The following MLIP variants were observed in gnomAD, a reference collection of about 807,000 sequenced individuals.
MLIP encodes muscular LMNA-interacting protein.
MLIP carries 79 observed loss-of-function variants against 84.8 expected under a neutral mutation model. The ratio of observed to expected loss-of-function variants is 0.93; its 90% CI spans 0.78 to 1.12. MLIP has a LOEUF of 1.12. Among genes scored for constraint, MLIP ranks in the 50% most tolerant of loss-of-function variants. The pLI is 0.00. For synonymous variants in MLIP, 504 were observed against 463.0 expected, an observed-to-expected ratio of 1.09 and a Z score of -1.14; for missense variants, 1,257 against 1,160.6, an observed-to-expected ratio of 1.08 and a Z score of -1.21.
chr6:54,071,091 G>A (rs1249154245), intron 1 of MLIP, among the ~76,000 whole-genome samples: 2 of 152,104 alleles, frequency 1.3e-5, no homozygotes, highest in African/African-American at 2.4e-5. Context: ...GTGACTTAAT[G>A]TATTGATTCT....
chr6:54,033,829 T>C (rs9474708), intron 1 of MLIP, among the ~76,000 whole-genome samples: 4,238 of 152,242 alleles, frequency 0.028, 186 homozygotes, highest in African/African-American at 0.094. Context: ...TTATTCTTCA[T>C]TCTTGAAAAA....
rs757250001 is a variant in MLIP at position 54,160,418 on chromosome 6, G to C, written c.2341G>C (p.Glu781Gln). The C allele has an allele frequency of 3.7e-6, 6 of 1,612,366 alleles. No homozygotes were observed. The South Asian group carries it at 6.6e-5, about 18-fold the overall frequency. ...TESVSKDNTL[E>Q]PPVELYFPAQ... ...AAGTGTCTCCAAGGACAACACATTA[G>C]AACCACCAGTGGAGGTAATAACTTC... The change falls in exon 6 of 14, where the codon GAA (glutamate) becomes CAA (glutamine). Residue 781 changes from glutamate to glutamine, a missense_variant. Physicochemically the swap from Glu to Gln is conservative, Grantham distance 29. Transcript: ENST00000502396.
chr6:54,246,913 T>A lies in MLIP; in HGVS notation c.2923-10395T>A, dbSNP rs139717716. ...ATTATGGTTATAGTTTCTCTCTTTT[T>A]CATAGTAATTCATGGTTTGTTCTGT... On this transcript the variant is annotated intron_variant, in intron 12 of 13. Transcript: ENST00000502396. 1.7e-3 allele frequency among the ~76,000 whole-genome samples: 254 copies of A among 152,258 alleles called. 2 individuals are homozygous for A. Among genetic ancestry groups the A allele is most frequent in the African/African-American group, 5.8e-3 (243 of 41,566 alleles).
At chr6:54,181,787 G>T (rs1436810588) in intron 9 of MLIP, among the ~76,000 whole-genome samples, 1 of 152,146 alleles carries the variant, frequency 6.6e-6, no homozygotes, top group East Asian at 1.9e-4. Context: ...TTTTGCCCAG[G>T]ATATGCCTAG....
intron 5 of MLIP, among the ~76,000 whole-genome samples, chr6:54,159,087 A>T (rs951763127): frequency 2.6e-5 from 4 of 151,796 alleles, no homozygotes; most frequent in African/African-American, 9.7e-5. Flanking sequence ...AATTTTTAAA[A>T]TTTTTTATAG....
chr6:54,019,364 T>C (rs1336535725), intron 1 of MLIP, among the ~76,000 whole-genome samples: 1 of 152,242 alleles, frequency 6.6e-6, no homozygotes, highest in Non-Finnish European at 1.5e-5. Context: ...TATTTTGACC[T>C]CTCATTGTGA....
At chr6:54,254,082 T>C (rs1286293925) in intron 12 of MLIP, among the ~76,000 whole-genome samples, 1 of 150,942 alleles carries the variant, frequency 6.6e-6, no homozygotes, top group Admixed American at 6.7e-5. Flanking sequence ...ATTAATCTAC[T>C]CTCTGCATAG....
At chr6:54,237,617 G>C (rs1781453309) in intron 12 of MLIP, among the ~76,000 whole-genome samples, 1 of 151,380 alleles carries the variant, frequency 6.6e-6, no homozygotes, top group African/African-American at 2.4e-5. Context: ...AAGCCAAGGT[G>C]GGAGGATTGC....
At chr6:54,123,253 A>G (rs568722192) in intron 2 of MLIP, among the ~76,000 whole-genome samples, 3 of 152,262 alleles carry the variant, frequency 2.0e-5, no homozygotes, top group Admixed American at 2.0e-4. Flanking sequence ...ATTCTTAGCA[A>G]CTGTTTACTG....
At chr6:54,243,933 C>A (rs570336755) in intron 12 of MLIP, among the ~76,000 whole-genome samples, 2 of 152,154 alleles carry the variant, frequency 1.3e-5, no homozygotes, top group Non-Finnish European at 2.9e-5. Flanking sequence ...AGAGCCTGGG[C>A]TTATGAATTC....
intron 1 of MLIP, among the ~76,000 whole-genome samples, chr6:54,100,036 G>A (rs530862486): frequency 1.0e-3 from 155 of 152,204 alleles, no homozygotes; most frequent in African/African-American, 3.3e-3. Context: ...TTGGTTCTAC[G>A]TACACACTTA....
Position 54,202,126 on chromosome 6 carries a change from C to T in MLIP, c.2611C>T (p.Pro871Ser). The T allele has an allele frequency of 6.3e-7, 1 of 1,592,386 alleles. No individual in the cohort carries two copies. Among genetic ancestry groups the T allele is most frequent in the Non-Finnish European group, 8.6e-7 (1 of 1,167,782 alleles). ...SQLTKPGVIR[P>S]VPVKSRILLK... ...GAAGACTAAGCCTGGAGTAATTCGCCCAGTACCTGTAAAATCCAGAATATT... is the reference window on the plus strand; with the variant it reads ...GAAGACTAAGCCTGGAGTAATTCGCTCAGTACCTGTAAAATCCAGAATATT... Residue 871 changes from proline (P) to serine (S), a missense_variant, in exon 11 of 14, where the codon CCA (proline) becomes TCA (serine). Physicochemically the swap from Pro to Ser is moderately conservative, Grantham distance 74. Transcript: ENST00000502396.
At chr6:54,111,600 C>T in intron 1 of MLIP, 25 bp downstream of exon 1, 2 of 1,535,064 alleles carry the variant, frequency 1.3e-6, no homozygotes, top group Non-Finnish European at 1.7e-6. Flanking sequence ...TTGCTTAATG[C>T]TTTCAGTAAC....
intron 3 of MLIP, among the ~76,000 whole-genome samples, chr6:54,126,900 G>T (rs546915532): frequency 2.6e-5 from 4 of 152,200 alleles, no homozygotes; most frequent in African/African-American, 9.6e-5. Flanking sequence ...CTATTCCTAA[G>T]AAATGTCTTC....
intron 5 of MLIP, among the ~76,000 whole-genome samples, chr6:54,160,086 C>G (rs193137278): frequency 1.3e-5 from 2 of 152,028 alleles, no homozygotes; most frequent in African/African-American, 4.8e-5. Flanking sequence ...AAAGAGTTCC[C>G]TATTTAATAA....
intron 12 of MLIP, among the ~76,000 whole-genome samples, chr6:54,256,340 T>A (rs1224064768): frequency 6.6e-6 from 1 of 152,168 alleles, no homozygotes; most frequent in East Asian, 1.9e-4. Flanking sequence ...ACTGGCCTCC[T>A]TCAAATTGCT....
chr6:54,251,992 T>C (rs1455200058), intron 12 of MLIP, among the ~76,000 whole-genome samples: 1 of 87,410 alleles, frequency 1.1e-5, no homozygotes, highest in Non-Finnish European at 1.9e-5. Context: ...AATATAAATA[T>C]ATATATTATA....
intron 9 of MLIP, among the ~76,000 whole-genome samples, chr6:54,172,629 T>A (rs1467749553): frequency 6.6e-6 from 1 of 151,526 alleles, no homozygotes; most frequent in Non-Finnish European, 1.5e-5. Context: ...GGGATAATTA[T>A]AATGGTTTAA....
At chr6:54,070,589 T>G (rs1250362188) in intron 1 of MLIP, among the ~76,000 whole-genome samples, 2 of 152,190 alleles carry the variant, frequency 1.3e-5, no homozygotes, top group Non-Finnish European at 2.9e-5. Context: ...TAAATTGGTA[T>G]CCTGGGATTT....
Sources: allele counts gnomAD v4.1 joint callset (sites outside exome capture counted in the v4.1 genomes callset), GRCh38; gene constraint gnomAD v4.1.1; transcripts MANE v1.5; gene names NCBI Gene and HGNC (gene_info 2026-07-23, HGNC 2026-07-21).